Variants in MIA3 observed in about 807,000 individuals in gnomAD.
MIA3 encodes MIA SH3 domain ER export factor 3, also known as transport and Golgi organization protein 1 homolog.
MIA3 carries 90 observed loss-of-function variants against 192.4 expected under a neutral mutation model. The ratio of observed to expected loss-of-function variants is 0.47; its 90% CI spans 0.39 to 0.56. The LOEUF (loss-of-function observed/expected upper bound fraction) is 0.56. MIA3 is among the 20% of genes least tolerant of loss of function. The probability of loss-of-function intolerance (pLI) is 0.00; values close to 1 mark genes in which losing one functional copy is unlikely to be tolerated. For synonymous variants in MIA3, 740 were observed against 792.8 expected (o/e 0.93, Z 1.12); for missense variants, 2,123 against 2,269.4 (o/e 0.94, Z 1.31).
chr1:222,640,484 C>G (rs1331689855), intron 6 of MIA3, among the ~76,000 whole-genome samples: 1 of 152,076 alleles, frequency 6.6e-6, no homozygotes, highest in African/African-American at 2.4e-5. Context: ...CAGTGGACTT[C>G]TGACAAAGGT....
In MIA3 at chr1:222,659,931, G is replaced by A; in HGVS notation, c.4900G>A (p.Ala1634Thr). 1 of 1,613,482 alleles carries A rather than the reference G, an allele frequency of 6.2e-7. No individual in the cohort carries two copies. Among genetic ancestry groups the A allele is most frequent in the Non-Finnish European group, 8.5e-7 (1 of 1,179,590 alleles). ...HKLLELTQKMAMLQEEPVIVK... is the reference protein window; with the variant it reads ...HKLLELTQKMTMLQEEPVIVK... ...ATTATTAGAATTAACACAAAAGATG[G>A]CAATGCTGCAAGAAGAACCTGTGAT... The change falls in exon 23 of 28, where the codon GCA (alanine) becomes ACA (threonine). Residue 1634 changes from alanine to threonine, a missense_variant. By Grantham distance (58) the Ala-to-Thr change is moderately conservative (BLOSUM62 0). This residue lies in a region of MIA3 where 762 missense variants were observed against 856.4 expected (regional missense o/e 0.89). Transcript: ENST00000344922.
chr1:222,642,318 TAGATA>T (rs1188181594), intron 6 of MIA3, among the ~76,000 whole-genome samples: 1 of 152,206 alleles, frequency 6.6e-6, no homozygotes, highest in Non-Finnish European at 1.5e-5. Context: ...CTAACTTTCT[TAGATA>T]AAAGTAGTAG....
At position 222,662,141 on chromosome 1, in the gene MIA3, G is replaced by C. The variant is rs1456809344; in HGVS notation, c.5182+17G>C. 3 of 1,612,656 alleles carry C rather than the reference G, an allele frequency of 1.9e-6. No homozygotes were observed. Among genetic ancestry groups the C allele is most frequent in the Admixed American group, 3.3e-5 (2 of 59,946 alleles). On this transcript the variant is annotated intron_variant, in intron 25 of 27. Coordinates refer to ENST00000344922, the MANE Select transcript of MIA3 (RefSeq NM_198551.4). The stretch of plus-strand genomic sequence containing the variant: ...CTCCTTCTGGTAAGGGAGCAAGAGT[G>C]TTCAAAGAGTCTAAAACCATGCAGG...
chr1:222,650,305 A>G lies in MIA3; in HGVS notation c.3645A>G (p.Gln1215=). 6.2e-7 allele frequency: 1 copy of G among 1,604,768 alleles called. No homozygotes were observed. The highest frequency in any genetic ancestry group is 8.5e-7 in the Non-Finnish European group (1 of 1,172,896). The change falls in exon 9 of 28, where the codon CAA becomes CAG. Residue 1215 remains glutamine (Q), a synonymous_variant. Coordinates refer to ENST00000344922, the MANE Select transcript of MIA3 (RefSeq NM_198551.4). ...TTCTTTTTTCAGTCACGGAACAGCA[A>G]ATTTCTGAGAAGTTGAAGACTATCA... ...KDRVYQVTEQ[Q]ISEKLKTIMK...
chr1:222,652,094 G>A (rs371581201), intron 12 of MIA3, 46 bp downstream of exon 12: 110 of 1,343,972 alleles, frequency 8.2e-5, no homozygotes, highest in Non-Finnish European at 1.1e-4. Flanking sequence ...CTATATCATA[G>A]TTTGATTGCA....
chr1:222,662,537 C>A, intron 26 of MIA3: 9 of 1,362,938 alleles, frequency 6.6e-6, no homozygotes, highest in Non-Finnish European at 8.6e-6. Flanking sequence ...GCAGTAAGTA[C>A]TTAGAAGTGT....
At position 222,666,906 on chromosome 1, in the gene MIA3, T is replaced by C. The variant is rs1030207953; in HGVS notation, c.*1287T>C. The C allele has an allele frequency of 6.6e-6, 1 of 152,258 alleles. No homozygotes were observed. Among genetic ancestry groups the C allele is most frequent in the African/African-American group, 2.4e-5 (1 of 41,550 alleles). The allele number at this position is 152,258 out of a possible 1,614,324, so 9.4% of individuals were successfully genotyped here. On this transcript the variant is annotated 3_prime_UTR_variant, in exon 28 of 28. Transcript: ENST00000344922. ...TCAGACATTTTAATTACAGTAATAA[T>C]AGCACTCCTTTTAAGGAGTTTCAGA... is the stretch of plus-strand genomic sequence containing the variant.
In MIA3 at chr1:222,665,610, G is replaced by C; in HGVS notation, c.5715G>C (p.Gln1905His). Reference protein sequence around the residue: ...TSQDCSQALKQSP With the variant: ...TSQDCSQALKHSP Reference sequence around the variant, plus strand: ...AGGACTGTTCACAGGCTTTAAAACAGAGCCCATAAAACTATGACCTCTGAG... The same window carrying C: ...AGGACTGTTCACAGGCTTTAAAACACAGCCCATAAAACTATGACCTCTGAG... The change falls in exon 28 of 28, where the codon CAG becomes CAC. Residue 1905 changes from glutamine (Q) to histidine (H), a missense_variant. Gln to His is a conservative substitution (Grantham distance 24). This residue lies in a region of MIA3 where 762 missense variants were observed against 856.4 expected (regional missense o/e 0.89). Coordinates refer to ENST00000344922, the MANE Select transcript of MIA3 (RefSeq NM_198551.4). The C allele has an allele frequency of 6.3e-7, 1 of 1,586,538 alleles. No individual in the cohort carries two copies. Among genetic ancestry groups the C allele is most frequent in the Non-Finnish European group, 8.6e-7 (1 of 1,168,816 alleles).
chr1:222,654,490 T>G lies in MIA3; in HGVS notation c.4468+11T>G. On this transcript the variant is annotated intron_variant, in intron 17 of 27. Transcript: ENST00000344922. ...AATGTAACCTGGAAGGTAGGTTGCTTCTTGAGAAGAAATTGCTATATATTG... is the reference window on the plus strand; with the variant it reads ...AATGTAACCTGGAAGGTAGGTTGCTGCTTGAGAAGAAATTGCTATATATTG... 2.5e-6 allele frequency: 4 copies of G among 1,605,770 alleles called. No individual in the cohort carries two copies. The highest frequency in any genetic ancestry group is 3.4e-6 in the Non-Finnish European group (4 of 1,173,588).
In MIA3 at chr1:222,645,606, T is replaced by G; in HGVS notation, c.3530T>G (p.Leu1177Arg). 1 of 1,613,844 alleles carries G rather than the reference T, an allele frequency of 6.2e-7. No homozygotes were observed. ...DVQPGPDFYG[L>R]PWKPVFITAF... ...CAGCCTGGGCCTGATTTTTATGGAC[T>G]GCCATGGAAACCTGTATTTATCACT... is the stretch of plus-strand genomic sequence containing the variant. Residue 1177 changes from leucine (L) to arginine (R), a missense_variant, in exon 7 of 28, where the codon CTG becomes CGG. Leu to Arg is a moderately radical substitution (Grantham distance 102, BLOSUM62 -2). Coordinates refer to ENST00000344922, the MANE Select transcript of MIA3 (RefSeq NM_198551.4).
intron 11 of MIA3, among the ~76,000 whole-genome samples, 159 bp downstream of exon 11, chr1:222,651,062 T>G (rs1270562749): frequency 1.3e-5 from 2 of 152,206 alleles, no homozygotes; most frequent in Admixed American, 1.3e-4. Context: ...TTTAAGTACT[T>G]ACACAAGAAA....
In MIA3 at chr1:222,644,329, G is replaced by C. The variant is rs1663018224; in HGVS notation, c.3478-1225G>C. On this transcript the variant is annotated intron_variant, in intron 6 of 27. Transcript: ENST00000344922. ...ACGTGTTTTATAGGCGGCATAAAGC[G>C]AAAGTGCAGGCAGCTGTGGAAGGCG... is the stretch of plus-strand genomic sequence containing the variant. 5 of 1,458,468 alleles carry C rather than the reference G, an allele frequency of 3.4e-6. No homozygotes were observed. The South Asian group carries it at 4.1e-5, about 12-fold the overall frequency. 90.3% of individuals were successfully genotyped at this position (1,458,468 alleles called of 1,614,324 possible).
Position 222,650,996 on chromosome 1 carries a change from G to C in MIA3, c.3909+93G>C, listed in dbSNP as rs1663401608. The C allele has an allele frequency of 9.5e-6, 7 of 737,342 alleles. No individual in the cohort carries two copies. In the East Asian group the frequency reaches 1.9e-4, roughly 20 times the overall value. 45.7% of individuals were successfully genotyped at this position (737,342 alleles called of 1,614,324 possible). On this transcript the variant is annotated intron_variant, in intron 11 of 27. Transcript: ENST00000344922. ...CTCTTTATTTTCCATGCTGTTATGT[G>C]AAGTAAGAGTGCGAGTCAGGGAAGT...
Position 222,662,118 on chromosome 1 carries a change from C to T in MIA3, c.5176C>T (p.Pro1726Ser). Residue 1726 changes from proline (P) to serine (S), a missense_variant, in exon 25 of 28, where the codon CCT (proline) becomes TCT (serine). Physicochemically the swap from Pro to Ser is moderately conservative, Grantham distance 74. Around this residue, in one of 3 missense-constraint regions of MIA3, gnomAD observed 762 missense variants for 856.4 expected, o/e 0.89. Coordinates refer to ENST00000344922, the MANE Select transcript of MIA3 (RefSeq NM_198551.4). ...AGCTGAGGCATCTGGGAAACCCTCT[C>T]CTTCTGGTAAGGGAGCAAGAGTGTT... Reference protein sequence around the residue: ...WSAEASGKPSPSDPGSGTATM... With the variant: ...WSAEASGKPSSSDPGSGTATM... 6.2e-7 allele frequency: 1 copy of T among 1,614,014 alleles called. No individual in the cohort carries two copies. Among genetic ancestry groups the T allele is most frequent in the Non-Finnish European group, 8.5e-7 (1 of 1,179,880 alleles).
At chr1:222,655,909 G>GTCAT (rs1425568238) in intron 18 of MIA3, among the ~76,000 whole-genome samples, 1 of 143,010 alleles carries the variant, frequency 7.0e-6, no homozygotes, top group Non-Finnish European at 1.5e-5. Context: ...TCAGGCCCTT[G>GTCAT]TCATCTTTTA....
chr1:222,645,412 A>G (rs1663092190), intron 6 of MIA3, 142 bp from the exon 7 acceptor site: 1 of 651,800 alleles, frequency 1.5e-6, no homozygotes, highest in South Asian at 2.1e-5. Flanking sequence ...TTCTTAAAGC[A>G]GTGAGAGCTA....
chr1:222,622,445 T>G (rs1661915099), intron 2 of MIA3, among the ~76,000 whole-genome samples: 1 of 151,502 alleles, frequency 6.6e-6, no homozygotes, highest in South Asian at 2.1e-4. Flanking sequence ...AAGTTTTCAC[T>G]GTCAGTAAAA....
At chr1:222,663,935 G>C (rs146370280) in intron 26 of MIA3, 63 bp from the exon 27 acceptor site, 2 of 1,463,892 alleles carry the variant, frequency 1.4e-6, no homozygotes, top group African/African-American at 1.4e-5. Flanking sequence ...GTTTTTACTG[G>C]TGTTGGTGCT....
At chr1:222,645,035 A>G (rs1261161097) in intron 6 of MIA3, among the ~76,000 whole-genome samples, 1 of 152,210 alleles carries the variant, frequency 6.6e-6, no homozygotes, top group African/African-American at 2.4e-5. Context: ...AGTTATCAGG[A>G]GCTATCCGAA....
Sources: allele counts gnomAD v4.1 joint callset (sites outside exome capture counted in the v4.1 genomes callset), GRCh38; gene constraint gnomAD v4.1.1; regional missense constraint gnomAD v4.1.1; transcripts MANE v1.5; gene names NCBI Gene and HGNC (gene_info 2026-07-23, HGNC 2026-07-21).